Variants in STRN3 observed in about 807,000 individuals in gnomAD.
The protein encoded by STRN3 is striatin-3.
Under a neutral mutation model 95.6 loss-of-function variants are expected in STRN3, and 29 were observed. The ratio of observed to expected loss-of-function variants is 0.30; its 90% CI spans 0.23 to 0.41. The LOEUF (loss-of-function observed/expected upper bound fraction) is 0.41, where lower values mean the gene tolerates loss of function less well. STRN3 is among the 10% of genes least tolerant of loss of function. The probability of loss-of-function intolerance (pLI) is 1.00; values close to 1 mark genes in which losing one functional copy is unlikely to be tolerated. For synonymous variants in STRN3, 331 were observed against 357.6 expected, an observed-to-expected ratio of 0.93 and a Z score of 0.84; for missense variants, 890 against 972.1, an observed-to-expected ratio of 0.92 and a Z score of 1.12.
At chr14:30,956,087 T>G in intron 2 of STRN3, 52 bp downstream of exon 2, 2 of 1,425,192 alleles carry the variant, frequency 1.4e-6, no homozygotes, top group Non-Finnish European at 2.0e-6. Flanking sequence ...ATGGTATACA[T>G]GAGTATACTA....
chr14:30,909,602 C>T (rs1182167934), intron 13 of STRN3, among the ~76,000 whole-genome samples: 3 of 152,146 alleles, frequency 2.0e-5, no homozygotes, highest in Non-Finnish European at 4.4e-5. Context: ...CTCAGCCTCC[C>T]GAGTGTCTGG....
intron 5 of STRN3, among the ~76,000 whole-genome samples, chr14:30,941,054 G>A (rs981511698): frequency 6.6e-6 from 1 of 152,138 alleles, no homozygotes; most frequent in East Asian, 1.9e-4. Flanking sequence ...TCCACCATGC[G>A]AAAACCCAGT....
chr14:30,941,776 C>T (rs897242753), intron 5 of STRN3, among the ~76,000 whole-genome samples: 1 of 152,108 alleles, frequency 6.6e-6, no homozygotes, highest in Non-Finnish European at 1.5e-5. Context: ...CAGGCGCCTG[C>T]CACCATGCCC....
Position 30,931,405 on chromosome 14 carries a change from A to C in STRN3, c.989-2094T>G, listed in dbSNP as rs552386301. On this transcript the variant is annotated intron_variant, in intron 7 of 17. Coordinates refer to ENST00000357479, the MANE Select transcript of STRN3 (RefSeq NM_001083893.2). ...ACTTTTTTGTCTAAAAGAAAACACAAATATGCGTAAGAAAGTTGACTCCTG... is the reference window on the plus strand; with the variant it reads ...ACTTTTTTGTCTAAAAGAAAACACACATATGCGTAAGAAAGTTGACTCCTG... 2.2e-4 allele frequency among the ~76,000 whole-genome samples: 33 copies of C among 152,316 alleles called. 1 individual carries two copies. In the South Asian group the frequency reaches 6.2e-3, roughly 29 times the overall value.
chr14:30,952,874 T>C (rs1374457617), intron 3 of STRN3, among the ~76,000 whole-genome samples: 2 of 152,170 alleles, frequency 1.3e-5, no homozygotes, highest in Non-Finnish European at 2.9e-5. Context: ...AAACAAGATA[T>C]ACGACTGCCC....
intron 1 of STRN3, among the ~76,000 whole-genome samples, chr14:30,960,369 A>C (rs756088602): frequency 1.3e-5 from 2 of 152,148 alleles, no homozygotes; most frequent in Non-Finnish European, 1.5e-5. Context: ...TTGCTCTACT[A>C]AACAATAAGA....
At chr14:30,897,476 T>C (rs1896189086) in intron 16 of STRN3, among the ~76,000 whole-genome samples, 1 of 151,998 alleles carries the variant, frequency 6.6e-6, no homozygotes, top group Non-Finnish European at 1.5e-5. Flanking sequence ...TCCCAGCTAC[T>C]AGGGAGGCTG....
At chr14:30,974,739 G>A (rs1192268817) in intron 1 of STRN3, among the ~76,000 whole-genome samples, 1 of 152,154 alleles carries the variant, frequency 6.6e-6, no homozygotes, top group Non-Finnish European at 1.5e-5. Flanking sequence ...GGGGGGAGTA[G>A]AGGCTAAAGT....
intron 1 of STRN3, among the ~76,000 whole-genome samples, chr14:30,985,024 T>C (rs1881610956): frequency 6.6e-6 from 1 of 152,084 alleles, no homozygotes; most frequent in Non-Finnish European, 1.5e-5. Context: ...ATAACAAAAA[T>C]ATTTTATCTT....
intron 1 of STRN3, among the ~76,000 whole-genome samples, chr14:30,977,724 C>T (rs1183715215): frequency 7.1e-6 from 1 of 140,290 alleles, no homozygotes; most frequent in Non-Finnish European, 1.5e-5. Context: ...ACCCAGAAGG[C>T]AGAGGTTGCA....
intron 1 of STRN3, among the ~76,000 whole-genome samples, chr14:31,023,178 T>C (rs1346698143): frequency 6.6e-6 from 1 of 152,222 alleles, no homozygotes. Flanking sequence ...CTAAAAAATA[T>C]GCAGGCCTCT....
At chr14:30,926,555 T>A (rs373755010) in intron 8 of STRN3, among the ~76,000 whole-genome samples, 6 of 151,964 alleles carry the variant, frequency 3.9e-5, no homozygotes, top group Admixed American at 3.9e-4. Flanking sequence ...TTATAATACT[T>A]CTTATAATTA....
At position 30,955,626 on chromosome 14, in the gene STRN3, C is replaced by G; in HGVS notation, c.454G>C (p.Glu152Gln). The change falls in exon 3 of 18, where the codon GAG becomes CAG. Residue 152 changes from glutamate to glutamine, a missense_variant. Glu to Gln is a conservative substitution (Grantham distance 29, BLOSUM62 2). Around this residue, in one of 3 missense-constraint regions of STRN3, gnomAD observed 526 missense variants for 526.3 expected, o/e 1.00. Transcript: ENST00000357479. ...ACAGAAGAAGCAAGTTTACCTGACT[C>G]AAAGGTTGGCATTTTCAAGTCACCT... is the stretch of plus-strand genomic sequence containing the variant. ...NQGDLKMPTFESEETKDTEAP... is the reference protein window; with the variant it reads ...NQGDLKMPTFQSEETKDTEAP... The G allele has an allele frequency of 6.4e-7, 1 of 1,571,308 alleles. No individual in the cohort carries two copies. Among genetic ancestry groups the G allele is most frequent in the Non-Finnish European group, 8.6e-7 (1 of 1,166,552 alleles).
At chr14:30,951,943 C>T (rs1382721238) in intron 3 of STRN3, among the ~76,000 whole-genome samples, 3 of 152,046 alleles carry the variant, frequency 2.0e-5, no homozygotes, top group East Asian at 1.9e-4. Flanking sequence ...CACGGTGAAA[C>T]GCCGTCTCTA....
intron 16 of STRN3, 87 bp downstream of exon 16, chr14:30,902,447 GAA>G (rs1162052948): frequency 1.1e-6 from 1 of 870,098 alleles, no homozygotes; most frequent in Non-Finnish European, 1.7e-6. Flanking sequence ...TTTCGTATCT[GAA>G]AAGTCAATAT....
At chr14:30,912,434 T>C (rs1321731580) in intron 10 of STRN3, 2 of 297,790 alleles carry the variant, frequency 6.7e-6, no homozygotes, top group African/African-American at 2.2e-5. Flanking sequence ...TTTTTACCTA[T>C]TAAGCTAAAC....
chr14:30,895,399 G>C lies in STRN3; in HGVS notation c.*12C>G. On this transcript the variant is annotated 3_prime_UTR_variant, in exon 18 of 18. Coordinates refer to ENST00000357479, the MANE Select transcript of STRN3 (RefSeq NM_001083893.2). ...CCAAGCAAATCTTGTTACGATGCAA[G>C]TTTTTGTTGATTCATACAAATACTT... The C allele has an allele frequency of 6.3e-7, 1 of 1,588,478 alleles. No homozygotes were observed. Among genetic ancestry groups the C allele is most frequent in the Non-Finnish European group, 8.6e-7 (1 of 1,166,064 alleles).
chr14:30,968,286 C>CAA (rs71112363), intron 1 of STRN3, among the ~76,000 whole-genome samples: 4 of 83,050 alleles, frequency 4.8e-5, no homozygotes, highest in Non-Finnish European at 7.3e-5. Context: ...TTATCATCTT[C>CAA]AAAAAAAAAA....
At chr14:30,970,180 G>A (rs892521983) in intron 1 of STRN3, among the ~76,000 whole-genome samples, 17 of 152,032 alleles carry the variant, frequency 1.1e-4, no homozygotes, top group African/African-American at 3.9e-4. Context: ...TACCCTGTGG[G>A]GACTTGCCAA....
Sources: allele counts gnomAD v4.1 joint callset (sites outside exome capture counted in the v4.1 genomes callset), GRCh38; gene constraint gnomAD v4.1.1; regional missense constraint gnomAD v4.1.1; transcripts MANE v1.5; gene names NCBI Gene and HGNC (gene_info 2026-07-23, HGNC 2026-07-21).